Variants in FSD1L observed in about 807,000 individuals in gnomAD.
FSD1L encodes the protein fibronectin type III and SPRY domain containing 1 like, also known as FSD1-like protein.
A neutral mutation model predicts 71.6 loss-of-function variants in FSD1L; 45 were observed. That is an observed-to-expected ratio of 0.63 (90% confidence interval 0.49 to 0.81). The LOEUF (loss-of-function observed/expected upper bound fraction) is 0.81, where lower values mean the gene tolerates loss of function less well. Ranked by LOEUF, FSD1L falls within the 30% of genes least tolerant of loss-of-function variation. The pLI is 0.00. For synonymous variants in FSD1L, 197 were observed against 207.2 expected (o/e 0.95, Z 0.42); for missense variants, 561 against 618.1 (o/e 0.91, Z 0.98).
intron 7 of FSD1L, among the ~76,000 whole-genome samples, chr9:105,489,509 T>G (rs1301631279): frequency 6.6e-6 from 1 of 152,138 alleles, no homozygotes; most frequent in Non-Finnish European, 1.5e-5. Flanking sequence ...TTTTTTTATT[T>G]TATTATTATT....
chr9:105,467,394 C>A (rs1345460604), intron 3 of FSD1L, among the ~76,000 whole-genome samples: 1 of 152,098 alleles, frequency 6.6e-6, no homozygotes, highest in Non-Finnish European at 1.5e-5. Context: ...ATAATTGTTG[C>A]AAGTGTGGAT....
chr9:105,489,498 G>A (rs1173664837), intron 7 of FSD1L, among the ~76,000 whole-genome samples: 1 of 151,148 alleles, frequency 6.6e-6, no homozygotes, highest in African/African-American at 2.5e-5. Flanking sequence ...GCAGTTTTAT[G>A]TTTTTTTATT....
In FSD1L at chr9:105,548,851, T is replaced by G. The variant is rs1231013023; in HGVS notation, c.*2368T>G. ...CTGGCGTTCTTAAAGGTCTCTAAAA[T>G]TAAAGAACAAGATGTGGTTTTTTGT... is the stretch of plus-strand genomic sequence containing the variant. On this transcript the variant is annotated 3_prime_UTR_variant, in exon 14 of 14. Transcript: ENST00000481272. The G allele has an allele frequency of 6.6e-6, 1 of 152,038 alleles. No homozygotes were observed. The highest frequency in any genetic ancestry group is 2.4e-5 in the African/African-American group (1 of 41,422). 9.4% of individuals were successfully genotyped at this position (152,038 alleles called of 1,614,324 possible). A position where few individuals can be genotyped will look rare whatever the true frequency, so the allele number is the denominator to read the frequency against.
intron 5 of FSD1L, among the ~76,000 whole-genome samples, chr9:105,475,423 A>C (rs533745629): frequency 6.6e-6 from 1 of 152,270 alleles, no homozygotes; most frequent in Admixed American, 6.5e-5. Flanking sequence ...AATATTGTCC[A>C]TTGAGTGTTA....
intron 7 of FSD1L, among the ~76,000 whole-genome samples, chr9:105,487,424 G>GTT (rs1157607762): frequency 6.9e-6 from 1 of 144,060 alleles, no homozygotes; most frequent in East Asian, 2.0e-4. Context: ...CTGCTGTCAG[G>GTT]TTTTTTTTTT....
chr9:105,516,417 C>T (rs747731015), intron 10 of FSD1L, among the ~76,000 whole-genome samples: 10 of 152,110 alleles, frequency 6.6e-5, no homozygotes, highest in South Asian at 2.1e-4. Context: ...CAGTAGGTGC[C>T]GATAGATACC....
rs567139894 is a variant in FSD1L at position 105,456,864 on chromosome 9, TATAAA to T, written c.16-4652_16-4648del. Reference sequence around the variant, plus strand: ...CTTTTAGTTGTCACCACATGAATCTTATAAAATATAATTTTCTAGATAAGCTTCAG... The same window carrying T: ...CTTTTAGTTGTCACCACATGAATCTTATATAATTTTCTAGATAAGCTTCAG... On this transcript the variant is annotated intron_variant, in intron 1 of 13. Transcript: ENST00000481272. 5.5e-3 allele frequency among the ~76,000 whole-genome samples: 837 copies of T among 152,364 alleles called. 9 individuals are homozygous for T. Among genetic ancestry groups the T allele is most frequent in the African/African-American group, 0.02 (811 of 41,580 alleles).
chr9:105,487,627 GT>G (rs1264151994), intron 7 of FSD1L, among the ~76,000 whole-genome samples: 31 of 152,114 alleles, frequency 2.0e-4, no homozygotes, highest in African/African-American at 7.5e-4. Context: ...ACCTTTTAAT[GT>G]ATTAAGGAAG....
At chr9:105,452,693 T>G (rs982043891) in intron 1 of FSD1L, among the ~76,000 whole-genome samples, 75 of 145,400 alleles carry the variant, frequency 5.2e-4, no homozygotes, top group African/African-American at 1.9e-3. Flanking sequence ...CTTCCTTCCT[T>G]CCTTCCTTCC....
intron 7 of FSD1L, among the ~76,000 whole-genome samples, chr9:105,496,182 C>G (rs1589015749): frequency 6.6e-6 from 1 of 150,560 alleles, no homozygotes; most frequent in East Asian, 1.9e-4. Context: ...TTCACCAGTA[C>G]CAGGTCTTGA....
intron 12 of FSD1L, 27 bp from the exon 13 acceptor site, chr9:105,539,236 A>G (rs1836455720): frequency 1.9e-6 from 2 of 1,063,660 alleles, no homozygotes; most frequent in African/African-American, 1.6e-5. Context: ...TGTATAATAA[A>G]TTAGGCTTTT....
At chr9:105,498,909 C>T (rs572569798) in intron 7 of FSD1L, among the ~76,000 whole-genome samples, 45 of 152,280 alleles carry the variant, frequency 3.0e-4, no homozygotes, top group African/African-American at 8.2e-4. Flanking sequence ...TGAGCCACCG[C>T]GCCCATGCTA....
At chr9:105,443,226 A>C (rs767447292), upstream of FSD1L, among the ~76,000 whole-genome samples, 1 of 152,218 alleles carries the variant, frequency 6.6e-6, no homozygotes, top group African/African-American at 2.4e-5. Flanking sequence ...TTTATAACGA[A>C]AAAGAGGTTT....
chr9:105,546,038 A>G (rs76786538), intron 13 of FSD1L, among the ~76,000 whole-genome samples: 3,791 of 152,140 alleles, frequency 0.025, 176 homozygotes, highest in African/African-American at 0.087. Flanking sequence ...GGTTGTGAAA[A>G]TTAGCATCAG....
chr9:105,495,412 C>T (rs537591796), intron 7 of FSD1L, among the ~76,000 whole-genome samples: 2 of 152,194 alleles, frequency 1.3e-5, no homozygotes, highest in African/African-American at 2.4e-5. Flanking sequence ...TCACCCCTTT[C>T]TTTGACTAGG....
intron 3 of FSD1L, among the ~76,000 whole-genome samples, chr9:105,466,292 A>G (rs1490404092): frequency 6.6e-6 from 1 of 152,246 alleles, no homozygotes; most frequent in Non-Finnish European, 1.5e-5. Flanking sequence ...TAACATTGTT[A>G]AAATATTTGT....
intron 10 of FSD1L, chr9:105,525,492 G>A (rs866282472): frequency 1.9e-6 from 3 of 1,609,718 alleles, no homozygotes; most frequent in African/African-American, 2.7e-5. Context: ...TGAAAGCTGT[G>A]GAACAAGATG....
intron 7 of FSD1L, 113 bp from the exon 8 acceptor site, chr9:105,506,286 T>C: frequency 2.5e-6 from 2 of 797,748 alleles, no homozygotes; most frequent in Non-Finnish European, 3.9e-6. Flanking sequence ...TTTTGAACAG[T>C]TTAAAAGCAT....
intron 7 of FSD1L, among the ~76,000 whole-genome samples, chr9:105,487,900 G>T (rs902163866): frequency 6.6e-6 from 1 of 152,162 alleles, no homozygotes; most frequent in Non-Finnish European, 1.5e-5. Flanking sequence ...TAAGTTTACA[G>T]TAAAGTTGAA....
Sources: gnomAD v4.1 joint callset for allele counts (sites outside exome capture counted in the v4.1 genomes callset) on GRCh38, gnomAD v4.1.1 for gene constraint, MANE v1.5 for transcripts, NCBI Gene and HGNC (gene_info 2026-07-23, HGNC 2026-07-21) for gene names.